Variants in TRIM56 observed in about 807,000 individuals in gnomAD.
The protein encoded by TRIM56 is tripartite motif containing 56, also known as E3 ubiquitin-protein ligase TRIM56.
In TRIM56, 10 loss-of-function variants were observed where a neutral mutation model predicts 17.1. The observed-to-expected ratio is 0.58, with a 90% CI of 0.36 to 0.99. TRIM56 has a LOEUF of 0.99. TRIM56 is among the 50% of genes least tolerant of loss of function. The pLI is 0.01. For missense variants in TRIM56, 923 were observed against 1,052.3 expected (o/e 0.88, Z 1.70); for synonymous variants, 503 against 473.5 (o/e 1.06, Z -0.81).
At position 101,091,199 on chromosome 7, in the gene TRIM56, A is replaced by AG. The variant is rs1474423533; in HGVS notation, c.*1624dup. On this transcript the variant is annotated 3_prime_UTR_variant, in exon 3 of 3. Transcript: ENST00000306085. ...CCAGGGGCTGTTGAGAGATGGCAGA[A>AG]GGGGGTCTTAATGTGGGGACTGTGG... 1.3e-5 allele frequency: 2 copies of AG among 152,320 alleles called. No individual in the cohort carries two copies. The highest frequency in any genetic ancestry group is 4.8e-5 in the African/African-American group (2 of 41,412). The allele number at this position is 152,320 out of a possible 1,614,324, so 9.4% of individuals were successfully genotyped here. A position where few individuals can be genotyped will look rare whatever the true frequency, so the allele number is the denominator to read the frequency against.
chr7:101,088,169 A>C lies in TRIM56; in HGVS notation c.857A>C (p.Glu286Ala). 1 of 1,499,598 alleles carries C rather than the reference A, an allele frequency of 6.7e-7. No individual in the cohort carries two copies. Among genetic ancestry groups the C allele is most frequent in the Non-Finnish European group, 8.9e-7 (1 of 1,125,750 alleles). The allele number at this position is 1,499,598 out of a possible 1,614,324, so 92.9% of individuals were successfully genotyped here. ...QLRAHVEAAE[E>A]AARERLAELE... ...CGAGCCCACGTGGAGGCTGCCGAAG[A>C]AGCTGCTCGGGAGAGGCTGGCGGAG... The change falls in exon 3 of 3, where the codon GAA becomes GCA. Residue 286 changes from glutamate to alanine, a missense_variant. By Grantham distance (107) the Glu-to-Ala change is moderately radical (BLOSUM62 -1). Transcript: ENST00000306085.
At position 101,087,588 on chromosome 7, in the gene TRIM56, A is replaced by G. The variant is rs758356831; in HGVS notation, c.276A>G (p.Gly92=). The change falls in exon 3 of 3, where the codon GGA becomes GGG. Residue 92 remains glycine (G), a synonymous_variant. Transcript: ENST00000306085. ...ACCTGGTGAAGGCCCGGGCCTGTGG[A>G]GACCTGCGTGCCGGGAAGCCAGCCT... ...LLDLVKARAC[G]DLRAGKPACA... is the part of the protein sequence containing the mutation. 8 of 1,612,326 alleles carry G rather than the reference A, an allele frequency of 5.0e-6. No individual in the cohort carries two copies. Among genetic ancestry groups the G allele is most frequent in the Non-Finnish European group, 6.8e-6 (8 of 1,179,480 alleles).
In TRIM56 at chr7:101,097,071, G is replaced by A. The variant is rs1048198124; in HGVS notation, c.*7491G>A. 8.5e-5 allele frequency: 13 copies of A among 152,148 alleles called. No individual in the cohort carries two copies. Among genetic ancestry groups the A allele is most frequent in the African/African-American group, 2.9e-4 (12 of 41,428 alleles). The allele number at this position is 152,148 out of a possible 1,614,324, so 9.4% of individuals were successfully genotyped here. A position where few individuals can be genotyped will look rare whatever the true frequency, so the allele number is the denominator to read the frequency against. The stretch of plus-strand genomic sequence containing the variant: ...CCTTCTATTTTAGCCTTATTATTAC[G>A]GTATCTATAAAGCAATGCCATATTC... On this transcript the variant is annotated 3_prime_UTR_variant, in exon 3 of 3. Coordinates refer to ENST00000306085, the MANE Select transcript of TRIM56 (RefSeq NM_030961.3).
Position 101,097,902 on chromosome 7 carries a change from C to A in TRIM56, c.*8322C>A, listed in dbSNP as rs1562842526. Reference sequence around the variant, plus strand: ...TAAAGTTCTTTTGAAAAATGGGAACCTTTCTCAGATGGGAATTTTGTATCT... The same window carrying A: ...TAAAGTTCTTTTGAAAAATGGGAACATTTCTCAGATGGGAATTTTGTATCT... On this transcript the variant is annotated 3_prime_UTR_variant, in exon 3 of 3. Coordinates refer to ENST00000306085, the MANE Select transcript of TRIM56 (RefSeq NM_030961.3). 2 of 152,078 alleles carry A rather than the reference C, an allele frequency of 1.3e-5. No individual in the cohort carries two copies. Among genetic ancestry groups the A allele is most frequent in the South Asian group, 2.1e-4 (1 of 4,816 alleles). The allele number at this position is 152,078 out of a possible 1,614,324, so 9.4% of individuals were successfully genotyped here.
chr7:101,087,030 T>G lies in TRIM56; in HGVS notation c.-140T>G, dbSNP rs1240439235. The stretch of plus-strand genomic sequence containing the variant: ...GTTCTCACAGGTCTGACCCAACAAG[T>G]AGCACTGACATTTTTACGTTTGCTG... On this transcript the variant is annotated 5_prime_UTR_variant, in exon 2 of 3. Coordinates refer to ENST00000306085, the MANE Select transcript of TRIM56 (RefSeq NM_030961.3). 4 of 461,420 alleles carry G rather than the reference T, an allele frequency of 8.7e-6. No individual in the cohort carries two copies. Among genetic ancestry groups the G allele is most frequent in the African/African-American group, 2.0e-5 (1 of 51,212 alleles). The allele number at this position is 461,420 out of a possible 1,614,324, so 28.6% of individuals were successfully genotyped here.
At position 101,091,846 on chromosome 7, in the gene TRIM56, T is replaced by A. The variant is rs1795571561; in HGVS notation, c.*2266T>A. 5.2e-6 allele frequency: 2 copies of A among 386,670 alleles called. No homozygotes were observed. The highest frequency in any genetic ancestry group is 3.2e-5 in the Admixed American group (1 of 31,108). The allele number at this position is 386,670 out of a possible 1,614,324, so 24.0% of individuals were successfully genotyped here. A position where few individuals can be genotyped will look rare whatever the true frequency, so the allele number is the denominator to read the frequency against. On this transcript the variant is annotated 3_prime_UTR_variant, in exon 3 of 3. Coordinates refer to ENST00000306085, the MANE Select transcript of TRIM56 (RefSeq NM_030961.3). The stretch of plus-strand genomic sequence containing the variant: ...TCTCCCTCTGATGCCGAGCCGAAGC[T>A]GGACTGTACTGCTGCCATCTCGGCT...
chr7:101,097,299 G>A lies in TRIM56; in HGVS notation c.*7719G>A, dbSNP rs1446404500. The A allele has an allele frequency of 2.0e-5, 3 of 152,272 alleles. 1 individual carries two copies. The highest frequency in any genetic ancestry group is 2.0e-4 in the Admixed American group (3 of 15,278). 9.4% of individuals were successfully genotyped at this position (152,272 alleles called of 1,614,324 possible). A position where few individuals can be genotyped will look rare whatever the true frequency, so the allele number is the denominator to read the frequency against. On this transcript the variant is annotated 3_prime_UTR_variant, in exon 3 of 3. Coordinates refer to ENST00000306085, the MANE Select transcript of TRIM56 (RefSeq NM_030961.3). ...TAAATTAAGTGGGAGATTGGAAAGG[G>A]GTGCGGACTTCTGTATTGGGGAGAA...
rs191263517 is a variant in TRIM56, at chr7:101,091,130, G to C, written c.*1550G>C. 6.6e-6 allele frequency: 1 copy of C among 152,438 alleles called. No individual in the cohort carries two copies. The highest frequency in any genetic ancestry group is 1.9e-4 in the East Asian group (1 of 5,186). 9.4% of individuals were successfully genotyped at this position (152,438 alleles called of 1,614,324 possible). On this transcript the variant is annotated 3_prime_UTR_variant, in exon 3 of 3. Coordinates refer to ENST00000306085, the MANE Select transcript of TRIM56 (RefSeq NM_030961.3). ...CCGGACCTTTTCATAAGTGGTGGCA[G>C]TGGTAGAATTGAGGGGGCAAGTAGG...
Position 101,087,832 on chromosome 7 carries a change from G to T in TRIM56, c.520G>T (p.Gly174Trp). 1.2e-6 allele frequency: 2 copies of T among 1,603,802 alleles called. No individual in the cohort carries two copies. The highest frequency in any genetic ancestry group is 8.5e-7 in the Non-Finnish European group (1 of 1,176,472). ...RQAAQCPQHP[G>W]EALRFLCQPC... is the part of the protein sequence containing the mutation. ...AGCGGCCCAGTGTCCCCAGCACCCC[G>T]GGGAGGCACTGCGCTTCCTGTGCCA... Residue 174 changes from glycine (G) to tryptophan (W), a missense_variant, in exon 3 of 3, where the codon GGG becomes TGG. Transcript: ENST00000306085.
Position 101,088,730 on chromosome 7 carries a change from A to C in TRIM56, c.1418A>C (p.Glu473Ala). The change falls in exon 3 of 3, where the codon GAG becomes GCG. Residue 473 changes from glutamate (E) to alanine (A), a missense_variant. Glu to Ala is a moderately radical substitution (Grantham distance 107). Transcript: ENST00000306085. ...GGCAGGCTCAAGTCAATTTCCCGGG[A>C]GCCCAGCCCAGCCCTGGGGCCGAAT... ...FKGRLKSISREPSPALGPNLD... is the reference protein window; with the variant it reads ...FKGRLKSISRAPSPALGPNLD... The C allele has an allele frequency of 6.2e-7, 1 of 1,614,008 alleles. No homozygotes were observed. Among genetic ancestry groups the C allele is most frequent in the African/African-American group, 1.3e-5 (1 of 75,048 alleles).
rs190311006 is a variant in TRIM56 at position 101,094,580 on chromosome 7, A to T, written c.*5000A>T. On this transcript the variant is annotated 3_prime_UTR_variant, in exon 3 of 3. Transcript: ENST00000306085. Reference sequence around the variant, plus strand: ...AAAGAAGAGGCAGGAGCCAGGGAGGAGGATCCCACCCGGCCGGGGCTCAGC... The same window carrying T: ...AAAGAAGAGGCAGGAGCCAGGGAGGTGGATCCCACCCGGCCGGGGCTCAGC... 3.3e-4 allele frequency: 50 copies of T among 152,270 alleles called. No individual in the cohort carries two copies. Among genetic ancestry groups the T allele is most frequent in the African/African-American group, 1.1e-3 (44 of 41,556 alleles). The allele number at this position is 152,270 out of a possible 1,614,324, so 9.4% of individuals were successfully genotyped here.
rs755851476 is a variant in TRIM56 at position 101,087,058 on chromosome 7, T to G, written c.-112T>G. On this transcript the variant is annotated 5_prime_UTR_variant, in exon 2 of 3. The change abolishes an upstream ATG in the 5' untranslated region. Coordinates refer to ENST00000306085, the MANE Select transcript of TRIM56 (RefSeq NM_030961.3). The stretch of plus-strand genomic sequence containing the variant: ...CACTGACATTTTTACGTTTGCTGGA[T>G]GTACACACGGAAGTGGAGGAGGAGG... 6.8e-5 allele frequency: 35 copies of G among 516,116 alleles called. No individual in the cohort carries two copies. The highest frequency in any genetic ancestry group is 1.2e-4 in the Non-Finnish European group (34 of 289,706). 32.0% of individuals were successfully genotyped at this position (516,116 alleles called of 1,614,324 possible).
rs1297865406 is a variant in TRIM56 at position 101,091,682 on chromosome 7, G to T, written c.*2102G>T. The T allele has an allele frequency of 9.0e-6, 4 of 444,152 alleles. No individual in the cohort carries two copies. The highest frequency in any genetic ancestry group is 8.2e-5 in the African/African-American group (4 of 48,686). 27.5% of individuals were successfully genotyped at this position (444,152 alleles called of 1,614,324 possible). Reference sequence around the variant, plus strand: ...GTGGAAGTTGCAGTGAGCTCAGATCGCACCATTGCACTCCAGCCTGGGTAA... The same window carrying T: ...GTGGAAGTTGCAGTGAGCTCAGATCTCACCATTGCACTCCAGCCTGGGTAA... On this transcript the variant is annotated 3_prime_UTR_variant, in exon 3 of 3. Transcript: ENST00000306085.
chr7:101,088,147 GC>G lies in TRIM56; in HGVS notation c.838del (p.His280ThrfsTer252). On this transcript the variant is annotated frameshift_variant, in exon 3 of 3. Transcript: ENST00000306085. LOFTEE classifies it low-confidence loss of function (END_TRUNC). Reference sequence around the variant, plus strand: ...GCAGGAGGTGCTGGGGCAGCTACGAGCCCACGTGGAGGCTGCCGAAGAAGCT... The same window carrying G: ...GCAGGAGGTGCTGGGGCAGCTACGAGCCACGTGGAGGCTGCCGAAGAAGCT... ...QKQEVLGQLRAHVEAAEEAAR... is the reference protein window; with the variant it reads ...QKQEVLGQLRXHVEAAEEAAR... The G allele has an allele frequency of 6.7e-7, 1 of 1,499,962 alleles. No individual in the cohort carries two copies. The allele number at this position is 1,499,962 out of a possible 1,614,324, so 92.9% of individuals were successfully genotyped here.
rs947025644 is a variant in TRIM56 at position 101,092,344 on chromosome 7, AGT to A, written c.*2767_*2768del. On this transcript the variant is annotated 3_prime_UTR_variant, in exon 3 of 3. Coordinates refer to ENST00000306085, the MANE Select transcript of TRIM56 (RefSeq NM_030961.3). ...CCGCCATCCCATCTAGGAAGTGAGG[AGT>A]GTCTCTGCCCGGCTGCCCATCATCT... 3.5e-5 allele frequency: 6 copies of A among 170,704 alleles called. No homozygotes were observed. Among genetic ancestry groups the A allele is most frequent in the African/African-American group, 1.2e-4 (5 of 40,058 alleles). The allele number at this position is 170,704 out of a possible 1,614,324, so 10.6% of individuals were successfully genotyped here.
At position 101,093,641 on chromosome 7, in the gene TRIM56, C is replaced by T; in HGVS notation, c.*4061C>T. 6.6e-6 allele frequency: 1 copy of T among 152,118 alleles called. No homozygotes were observed. The highest frequency in any genetic ancestry group is 1.5e-5 in the Non-Finnish European group (1 of 68,050). 9.4% of individuals were successfully genotyped at this position (152,118 alleles called of 1,614,324 possible). On this transcript the variant is annotated 3_prime_UTR_variant, in exon 3 of 3. Coordinates refer to ENST00000306085, the MANE Select transcript of TRIM56 (RefSeq NM_030961.3). ...GGTCAGGAGTTTGAGACCAGCCTGG[C>T]CACTACGGTGAAACCCCATCTCTAC...
In TRIM56 at chr7:101,092,676, A is replaced by G. The variant is rs34442394; in HGVS notation, c.*3096A>G. On this transcript the variant is annotated 3_prime_UTR_variant, in exon 3 of 3. Coordinates refer to ENST00000306085, the MANE Select transcript of TRIM56 (RefSeq NM_030961.3). The stretch of plus-strand genomic sequence containing the variant: ...GCGCCTTCCGGGAGGGAGGTGGGGG[A>G]TCAGTCCCCGCCCGGCCAGCCGCCC... 107,537 of 144,158 alleles carry G rather than the reference A, an allele frequency of 0.75. 40,123 individuals are homozygous for G. The highest frequency in any genetic ancestry group is 0.86 in the African/African-American group (32,737 of 38,280). 8.9% of individuals were successfully genotyped at this position (144,158 alleles called of 1,614,324 possible). A position where few individuals can be genotyped will look rare whatever the true frequency, so the allele number is the denominator to read the frequency against.
chr7:101,092,233 CTCT>C lies in TRIM56; in HGVS notation c.*2654_*2656del, dbSNP rs1562840484. ...ACCCCCTCTGGGAAGTGCGGAGTGT[CTCT>C]GCCTGGCCGCCCATTGTCTGGGATG... On this transcript the variant is annotated 3_prime_UTR_variant, in exon 3 of 3. Coordinates refer to ENST00000306085, the MANE Select transcript of TRIM56 (RefSeq NM_030961.3). The C allele has an allele frequency of 1.2e-4, 21 of 179,386 alleles. No individual in the cohort carries two copies. The highest frequency in any genetic ancestry group is 2.5e-4 in the Non-Finnish European group (21 of 84,870). The allele number at this position is 179,386 out of a possible 1,614,324, so 11.1% of individuals were successfully genotyped here.
In TRIM56 at chr7:101,088,769, G is replaced by T. The variant is rs758892621; in HGVS notation, c.1457G>T (p.Gly486Val). 2 of 1,613,962 alleles carry T rather than the reference G, an allele frequency of 1.2e-6. No homozygotes were observed. The highest frequency in any genetic ancestry group is 1.7e-5 in the Admixed American group (1 of 60,022). ...PALGPNLDGS[G>V]LLPRPIFYCS... The stretch of plus-strand genomic sequence containing the variant: ...CTGGGGCCGAATCTGGACGGCTCTG[G>T]CCTCCTCCCCAGACCCATCTTTTAC... The change falls in exon 3 of 3, where the codon GGC becomes GTC. Residue 486 changes from glycine to valine, a missense_variant. Around this residue, in one of 3 missense-constraint regions of TRIM56, gnomAD observed 643 missense variants for 665.6 expected, o/e 0.97. Coordinates refer to ENST00000306085, the MANE Select transcript of TRIM56 (RefSeq NM_030961.3).
Sources: gnomAD v4.1 joint callset for allele counts on GRCh38, gnomAD v4.1.1 for gene constraint, gnomAD v4.1.1 regional missense constraint, MANE v1.5 for transcripts, NCBI Gene and HGNC (gene_info 2026-07-23, HGNC 2026-07-21) for gene names.